PDE3A: variants seen among roughly 807,000 people sequenced by gnomAD.
PDE3A encodes phosphodiesterase 3A, also known as cGMP-inhibited 3',5'-cyclic phosphodiesterase 3A.
PDE3A carries 43 observed loss-of-function variants against 98.3 expected under a neutral mutation model. That is an observed-to-expected ratio of 0.44 (90% CI 0.34 to 0.56). PDE3A has a LOEUF of 0.56. Among genes scored for constraint, PDE3A ranks in the 20% least tolerant of loss-of-function variants. PDE3A has a pLI of 0.01. For synonymous variants in PDE3A, 663 were observed against 567.9 expected, an observed-to-expected ratio of 1.17 and a Z score of -2.38; for missense variants, 1,427 against 1,440.7, an observed-to-expected ratio of 0.99 and a Z score of 0.15.
At chr12:20,373,333 T>C (rs1943512795) in intron 1 of PDE3A, among the ~76,000 whole-genome samples, 2 of 152,114 alleles carry the variant, frequency 1.3e-5, no homozygotes, top group Non-Finnish European at 2.9e-5. Flanking sequence ...AGAGCAGATA[T>C]GTCTCTCTCA....
chr12:20,456,480 C>A (rs1046745893), intron 1 of PDE3A, among the ~76,000 whole-genome samples: 1 of 152,082 alleles, frequency 6.6e-6, no homozygotes, highest in African/African-American at 2.4e-5. Flanking sequence ...ATGTATCTCT[C>A]TGTATTGCAG....
Position 20,370,251 on chromosome 12 carries a change from A to AC in PDE3A, c.960+8dup. ...CTGTATACCGAGGGAACAGGTAAGCACTGGCAACTCCTCTCTCGGCTCTTG... is the reference window on the plus strand; with the variant it reads ...CTGTATACCGAGGGAACAGGTAAGCACCTGGCAACTCCTCTCTCGGCTCTTG... On this transcript the variant is annotated splice_region_variant and intron_variant, in intron 1 of 15. Coordinates refer to ENST00000359062, the MANE Select transcript of PDE3A (RefSeq NM_000921.5). The AC allele has an allele frequency of 6.6e-7, 1 of 1,520,746 alleles. No individual in the cohort carries two copies. The highest frequency in any genetic ancestry group is 8.8e-7 in the Non-Finnish European group (1 of 1,137,014). The allele number at this position is 1,520,746 out of a possible 1,614,324, so 94.2% of individuals were successfully genotyped here.
chr12:20,414,177 G>A (rs1403820916), intron 1 of PDE3A, among the ~76,000 whole-genome samples: 1 of 152,128 alleles, frequency 6.6e-6, no homozygotes, highest in Non-Finnish European at 1.5e-5. Context: ...TTGATTATAT[G>A]CCTATAGGAT....
chr12:20,588,184 G>A (rs1030474982), intron 2 of PDE3A, among the ~76,000 whole-genome samples: 1 of 152,146 alleles, frequency 6.6e-6, no homozygotes, highest in East Asian at 1.9e-4. Context: ...TTGCCAGATG[G>A]CATTTGAATG....
Position 20,592,873 on chromosome 12 carries a change from G to T in PDE3A, c.1012-20570G>T, listed in dbSNP as rs531922012. Reference sequence around the variant, plus strand: ...TTAGAATAATGAGATTCTCTAAACAGTTGAGAACCATTTGTAAGAATAGCA... The same window carrying T: ...TTAGAATAATGAGATTCTCTAAACATTTGAGAACCATTTGTAAGAATAGCA... On this transcript the variant is annotated intron_variant, in intron 2 of 15. Transcript: ENST00000359062. 8.5e-5 allele frequency among the ~76,000 whole-genome samples: 13 copies of T among 152,282 alleles called. No homozygotes were observed. The East Asian group carries it at 2.3e-3, about 27-fold the overall frequency.
intron 1 of PDE3A, among the ~76,000 whole-genome samples, chr12:20,403,847 A>G (rs982325849): frequency 2.6e-5 from 4 of 152,058 alleles, no homozygotes; most frequent in Admixed American, 6.6e-5. Context: ...AAATTTAGTT[A>G]TATATAATAC....
At chr12:20,475,379 A>T (rs540172271) in intron 1 of PDE3A, among the ~76,000 whole-genome samples, 1 of 152,170 alleles carries the variant, frequency 6.6e-6, no homozygotes, top group African/African-American at 2.4e-5. Flanking sequence ...TTTTAAAAAC[A>T]AAAAGATACG....
At position 20,684,556 on chromosome 12, in the gene PDE3A, C is replaced by T. The variant is rs912072519; in HGVS notation, c.*4285C>T. On this transcript the variant is annotated 3_prime_UTR_variant, in exon 16 of 16. Transcript: ENST00000359062. ...AATATCTATGTACTTTGAAGCCAAACTGAGTTTATTTCATTGATCGAACAA... is the reference window on the plus strand; with the variant it reads ...AATATCTATGTACTTTGAAGCCAAATTGAGTTTATTTCATTGATCGAACAA... Among the ~76,000 whole-genome samples, 1 of 152,152 alleles carries T rather than the reference C, an allele frequency of 6.6e-6. No individual in the cohort carries two copies. The highest frequency in any genetic ancestry group is 2.4e-5 in the African/African-American group (1 of 41,438).
intron 1 of PDE3A, among the ~76,000 whole-genome samples, chr12:20,530,775 C>G (rs1316469037): frequency 6.6e-6 from 1 of 152,080 alleles, no homozygotes; most frequent in African/African-American, 2.4e-5. Flanking sequence ...TCATTCAAGT[C>G]CTCCTATAGG....
At chr12:20,518,159 T>C (rs997094250) in intron 1 of PDE3A, among the ~76,000 whole-genome samples, 3 of 152,148 alleles carry the variant, frequency 2.0e-5, no homozygotes, top group Non-Finnish European at 4.4e-5. Flanking sequence ...TGCAAACAAA[T>C]TGCTCCAGTG....
intron 1 of PDE3A, among the ~76,000 whole-genome samples, chr12:20,491,315 T>A (rs1354803761): frequency 6.6e-6 from 1 of 151,776 alleles, no homozygotes; most frequent in Non-Finnish European, 1.5e-5. Flanking sequence ...AATGAAAGGG[T>A]TGGGTATTAA....
chr12:20,391,176 G>A (rs1179442844), intron 1 of PDE3A, among the ~76,000 whole-genome samples: 2 of 151,664 alleles, frequency 1.3e-5, no homozygotes, highest in Non-Finnish European at 2.9e-5. Context: ...CTAGGCTGTC[G>A]AGAGAAGTTA....
chr12:20,458,989 T>A (rs1187729739), intron 1 of PDE3A, among the ~76,000 whole-genome samples: 1 of 152,144 alleles, frequency 6.6e-6, no homozygotes, highest in Non-Finnish European at 1.5e-5. Context: ...TATAAAAATA[T>A]GTAAATAAAA....
Position 20,605,812 on chromosome 12 carries a change from A to G in PDE3A, c.1012-7631A>G, listed in dbSNP as rs532285718. Among the ~76,000 whole-genome samples, 186 of 152,362 alleles carry G rather than the reference A, an allele frequency of 1.2e-3. 1 individual carries two copies. Among genetic ancestry groups the G allele is most frequent in the Non-Finnish European group, 2.1e-3 (145 of 68,028 alleles). On this transcript the variant is annotated intron_variant, in intron 2 of 15. Coordinates refer to ENST00000359062, the MANE Select transcript of PDE3A (RefSeq NM_000921.5). The stretch of plus-strand genomic sequence containing the variant: ...CTATCTTCAAGTTTCATGTAGACTT[A>G]CGAAGAGAGGCTTTTGGTGCTGCTT...
At chr12:20,554,370 AAAT>A (rs1489322231) in intron 1 of PDE3A, among the ~76,000 whole-genome samples, 2 of 5,488 alleles carry the variant, frequency 3.6e-4, no homozygotes, top group Non-Finnish European at 0.024. Flanking sequence ...AAAAAAAAAA[AAAT>A]AAAAAAAATA....
chr12:20,447,346 A>G (rs1944975063), intron 1 of PDE3A, among the ~76,000 whole-genome samples: 1 of 152,226 alleles, frequency 6.6e-6, no homozygotes, highest in Non-Finnish European at 1.5e-5. Flanking sequence ...TTGTGTGCTA[A>G]TAAGACGACT....
chr12:20,380,827 C>T (rs924357253), intron 1 of PDE3A, among the ~76,000 whole-genome samples: 2 of 151,816 alleles, frequency 1.3e-5, no homozygotes, highest in Admixed American at 1.3e-4. Flanking sequence ...CAAACTGAGA[C>T]ATTCACTATA....
At chr12:20,671,117 T>C (rs1258227205) in intron 15 of PDE3A, among the ~76,000 whole-genome samples, 2 of 142,692 alleles carry the variant, frequency 1.4e-5, no homozygotes, top group Non-Finnish European at 3.0e-5. Flanking sequence ...GATAAATTCC[T>C]CGACACATAC....
chr12:20,508,957 A>G (rs1287178701), intron 1 of PDE3A, among the ~76,000 whole-genome samples: 1 of 152,050 alleles, frequency 6.6e-6, no homozygotes. Flanking sequence ...TCTTTAAATG[A>G]GCAAAATTTC....
Sources: gnomAD v4.1 joint callset for allele counts (sites outside exome capture counted in the v4.1 genomes callset) on GRCh38, gnomAD v4.1.1 for gene constraint, MANE v1.5 for transcripts, NCBI Gene and HGNC (gene_info 2026-07-23, HGNC 2026-07-21) for gene names.